Variants in CSMD1 observed in about 807,000 individuals in gnomAD.
CSMD1 encodes the protein CUB and Sushi multiple domains 1.
In CSMD1, 213 loss-of-function variants were observed where a neutral mutation model predicts 417.5. That is an observed-to-expected ratio of 0.51 (90% CI 0.46 to 0.57). The LOEUF (loss-of-function observed/expected upper bound fraction) is 0.57. Among genes scored for constraint, CSMD1 ranks in the 20% least tolerant of loss-of-function variants. The pLI, the probability that CSMD1 is intolerant of heterozygous loss-of-function variation, is 0.00. For missense variants in CSMD1, 6,923 were observed against 4,529.7 expected (o/e 1.53, Z -15.17); for synonymous variants, 2,862 against 1,736.8 (o/e 1.65, Z -16.11).
chr8:3,684,717 C>T (rs1337979436), intron 7 of CSMD1, among the ~76,000 whole-genome samples: 1 of 151,864 alleles, frequency 6.6e-6, no homozygotes, highest in Non-Finnish European at 1.5e-5. Context: ...CCTGCCTCAG[C>T]CTCCAGAGGA....
intron 2 of CSMD1, among the ~76,000 whole-genome samples, chr8:4,450,917 G>C (rs1414962107): frequency 6.6e-6 from 1 of 152,036 alleles, no homozygotes; most frequent in East Asian, 1.9e-4. Context: ...TTAAATCATG[G>C]AGAGGAAAGG....
At chr8:4,398,714 CA>C (rs1804441252) in intron 3 of CSMD1, among the ~76,000 whole-genome samples, 1 of 152,046 alleles carries the variant, frequency 6.6e-6, no homozygotes, top group Non-Finnish European at 1.5e-5. Flanking sequence ...CATTTAGCTA[CA>C]GCTTTCAAAC....
At chr8:4,771,702 T>C (rs1311149114) in intron 1 of CSMD1, among the ~76,000 whole-genome samples, 1 of 152,208 alleles carries the variant, frequency 6.6e-6, no homozygotes, top group Non-Finnish European at 1.5e-5. Context: ...GTCCCCTGTG[T>C]CCAGCATGTC....
chr8:3,368,791 C>A (rs1284842258), intron 19 of CSMD1, among the ~76,000 whole-genome samples: 1 of 152,164 alleles, frequency 6.6e-6, no homozygotes, highest in Non-Finnish European at 1.5e-5. Context: ...ATAGAAATAT[C>A]TATTCTATGA....
chr8:3,442,753 G>A (rs953760377), intron 12 of CSMD1, among the ~76,000 whole-genome samples: 8 of 152,024 alleles, frequency 5.3e-5, no homozygotes, highest in East Asian at 1.9e-4. Flanking sequence ...ACATACACAC[G>A]TACATATATA....
At chr8:4,705,906 C>G (rs1807907906) in intron 1 of CSMD1, among the ~76,000 whole-genome samples, 1 of 152,048 alleles carries the variant, frequency 6.6e-6, no homozygotes, top group Admixed American at 6.6e-5. Context: ...AATAGTTTAA[C>G]TAGGTCTATT....
At chr8:4,071,494 G>C (rs149047102) in intron 3 of CSMD1, among the ~76,000 whole-genome samples, 15 of 151,792 alleles carry the variant, frequency 9.9e-5, no homozygotes, top group African/African-American at 2.4e-4. Flanking sequence ...TTTTCACCAA[G>C]AGCATTGCTT....
intron 6 of CSMD1, among the ~76,000 whole-genome samples, chr8:3,710,871 C>A (rs1334922572): frequency 6.6e-6 from 1 of 152,074 alleles, no homozygotes; most frequent in African/African-American, 2.4e-5. Flanking sequence ...AACCTTTCCA[C>A]GTGGGCTACT....
intron 3 of CSMD1, among the ~76,000 whole-genome samples, chr8:4,124,878 G>A (rs1036431437): frequency 6.6e-6 from 1 of 152,100 alleles, no homozygotes; most frequent in Non-Finnish European, 1.5e-5. Context: ...ACAGAAAAAG[G>A]AAAAGCGGAG....
At chr8:3,999,830 T>C (rs1473267050) in intron 4 of CSMD1, among the ~76,000 whole-genome samples, 1 of 151,982 alleles carries the variant, frequency 6.6e-6, no homozygotes, top group African/African-American at 2.4e-5. Context: ...TTTTAATAGT[T>C]AGCCAGTCTG....
At chr8:3,962,525 G>A (rs556043235) in intron 5 of CSMD1, among the ~76,000 whole-genome samples, 7 of 152,278 alleles carry the variant, frequency 4.6e-5, no homozygotes, top group African/African-American at 1.7e-4. Flanking sequence ...TAACGTAATA[G>A]GCTAATCGCA....
intron 1 of CSMD1, among the ~76,000 whole-genome samples, chr8:4,882,075 C>G (rs1173594124): frequency 2.0e-5 from 3 of 151,918 alleles, no homozygotes; most frequent in Non-Finnish European, 2.9e-5. Flanking sequence ...TTAGAAAGTA[C>G]GAATAATAAG....
Position 2,997,993 on chromosome 8 carries a change from C to A in CSMD1, c.8377+18G>T. The A allele has an allele frequency of 6.2e-7, 1 of 1,609,432 alleles. No homozygotes were observed. The highest frequency in any genetic ancestry group is 8.5e-7 in the Non-Finnish European group (1 of 1,177,550). On this transcript the variant is annotated intron_variant, in intron 54 of 69. Transcript: ENST00000635120. ...ACACTCTCAGAGCAAAGGGCTCATT[C>A]CTGGATGCTGTTCCTACCTCGACAC...
At chr8:4,890,374 G>C (rs1162549163) in intron 1 of CSMD1, among the ~76,000 whole-genome samples, 1 of 152,008 alleles carries the variant, frequency 6.6e-6, no homozygotes, top group Non-Finnish European at 1.5e-5. Context: ...GATGGCACTC[G>C]GGTCCTCACA....
At chr8:4,702,379 C>T (rs1807622185) in intron 1 of CSMD1, among the ~76,000 whole-genome samples, 1 of 152,156 alleles carries the variant, frequency 6.6e-6, no homozygotes, top group Non-Finnish European at 1.5e-5. Context: ...GTAGCAATTC[C>T]AAGAATTGAC....
rs141023376 is a variant in CSMD1, at chr8:4,219,800, A to C, written c.416-187701T>G. ...GTCACCAGATAGCCATTATGTATTA[A>C]TGTCTTACTTAGTAGAGCTAATTAT... On this transcript the variant is annotated intron_variant, in intron 3 of 69. Transcript: ENST00000635120. Among the ~76,000 whole-genome samples, 778 of 152,284 alleles carry C rather than the reference A, an allele frequency of 5.1e-3. 7 individuals carry two copies. The highest frequency in any genetic ancestry group is 0.018 in the African/African-American group (738 of 41,546).
chr8:4,756,452 A>G (rs1317717563), intron 1 of CSMD1, among the ~76,000 whole-genome samples: 2 of 152,200 alleles, frequency 1.3e-5, no homozygotes, highest in Non-Finnish European at 2.9e-5. Flanking sequence ...TAAACGCTAA[A>G]AGTTAATTTG....
chr8:4,687,621 A>G (rs749546573), intron 1 of CSMD1, among the ~76,000 whole-genome samples: 41 of 152,158 alleles, frequency 2.7e-4, no homozygotes, highest in Admixed American at 1.4e-3. Flanking sequence ...TTTCCCGGTG[A>G]ATTATGAAGT....
intron 5 of CSMD1, among the ~76,000 whole-genome samples, chr8:3,962,654 T>C (rs1385022978): frequency 6.6e-6 from 1 of 152,104 alleles, no homozygotes; most frequent in African/African-American, 2.4e-5. Context: ...TCAATTGCAG[T>C]TAGATATGGA....
Sources: gnomAD v4.1 joint callset for allele counts (sites outside exome capture counted in the v4.1 genomes callset) on GRCh38, gnomAD v4.1.1 for gene constraint, MANE v1.5 for transcripts, NCBI Gene and HGNC (gene_info 2026-07-23, HGNC 2026-07-21) for gene names.